SYNPR: variants seen among roughly 807,000 people sequenced by gnomAD.
SYNPR encodes the protein synaptoporin.
A neutral mutation model predicts 32.9 loss-of-function variants in SYNPR; 23 were observed. The ratio of observed to expected loss-of-function variants is 0.70; its 90% confidence interval spans 0.50 to 0.99. The LOEUF is 0.99. Ranked by LOEUF, SYNPR falls within the 50% of genes least tolerant of loss-of-function variation. The pLI, the probability that SYNPR is intolerant of heterozygous loss-of-function variation, is 0.00. For synonymous variants in SYNPR, 146 were observed against 135.9 expected (o/e 1.07, Z -0.52); for missense variants, 318 against 349.3 (o/e 0.91, Z 0.71).
chr3:63,332,986 G>A (rs1447023284), intron 2 of SYNPR, among the ~76,000 whole-genome samples: 1 of 152,046 alleles, frequency 6.6e-6, no homozygotes, highest in African/African-American at 2.4e-5. Flanking sequence ...CCACCAGTTG[G>A]ACAACCAAAA....
rs1307358114 is a variant in SYNPR, at chr3:63,606,729, C to A, written c.409-2396C>A. On this transcript the variant is annotated intron_variant, in intron 4 of 5. Transcript: ENST00000478300. Reference sequence around the variant, plus strand: ...TATAGTCAAAACCAACTTAAAAAAACTTTTTAGTGTCTTCATTTTAAATAG... The same window carrying A: ...TATAGTCAAAACCAACTTAAAAAAAATTTTTAGTGTCTTCATTTTAAATAG... Among the ~76,000 whole-genome samples the A allele has an allele frequency of 2.6e-5, 4 of 152,094 alleles. No homozygotes were observed. The East Asian group carries it at 7.7e-4, about 29-fold the overall frequency.
chr3:63,365,856 T>C (rs1433060353), intron 2 of SYNPR, among the ~76,000 whole-genome samples: 1 of 152,214 alleles, frequency 6.6e-6, no homozygotes, highest in East Asian at 1.9e-4. Flanking sequence ...CATGTTGACC[T>C]TGGAACCACT....
chr3:63,231,044 C>G (rs1034972802), intron 1 of SYNPR, among the ~76,000 whole-genome samples: 16 of 152,158 alleles, frequency 1.1e-4, no homozygotes, highest in African/African-American at 3.9e-4. Flanking sequence ...AAGACACATG[C>G]ACACATGTTT....
intron 2 of SYNPR, among the ~76,000 whole-genome samples, chr3:63,343,269 G>A (rs1443375816): frequency 6.6e-6 from 1 of 152,184 alleles, no homozygotes; most frequent in East Asian, 1.9e-4. Flanking sequence ...GCTTTTCATG[G>A]TTTTAAGCAG....
chr3:63,233,449 A>G (rs535893322), intron 1 of SYNPR, among the ~76,000 whole-genome samples: 5 of 152,256 alleles, frequency 3.3e-5, no homozygotes, highest in African/African-American at 9.6e-5. Context: ...CAGACCCTAC[A>G]TCTCCAGCCA....
At chr3:63,233,596 T>G (rs1190731710) in intron 1 of SYNPR, among the ~76,000 whole-genome samples, 1 of 152,224 alleles carries the variant, frequency 6.6e-6, no homozygotes, top group Non-Finnish European at 1.5e-5. Context: ...GCTCTTTTAC[T>G]CTGCATGGAA....
At chr3:63,612,929 T>A (rs1327521835) in intron 5 of SYNPR, among the ~76,000 whole-genome samples, 1 of 129,064 alleles carries the variant, frequency 7.7e-6, no homozygotes, top group Non-Finnish European at 1.6e-5. Flanking sequence ...TCTCTTCTCC[T>A]CTCTTCTCCT....
At chr3:63,423,091 C>T (rs560573565) in intron 2 of SYNPR, among the ~76,000 whole-genome samples, 2 of 152,176 alleles carry the variant, frequency 1.3e-5, no homozygotes, top group Admixed American at 6.5e-5. Context: ...TTGCTGCATG[C>T]TATTTATTGA....
chr3:63,308,064 C>A (rs2086924513), intron 2 of SYNPR, among the ~76,000 whole-genome samples: 1 of 151,996 alleles, frequency 6.6e-6, no homozygotes, highest in Admixed American at 6.6e-5. Flanking sequence ...AGAAGAGGGT[C>A]TGGGTATGAA....
chr3:63,596,964 G>A (rs550647276), intron 4 of SYNPR, among the ~76,000 whole-genome samples: 14 of 152,164 alleles, frequency 9.2e-5, no homozygotes, highest in Admixed American at 6.5e-4. Context: ...TACACATCAC[G>A]TTTCAAAGAC....
At chr3:63,524,083 TA>T (rs34737384) in intron 3 of SYNPR, among the ~76,000 whole-genome samples, 26 of 148,334 alleles carry the variant, frequency 1.8e-4, no homozygotes, top group South Asian at 2.1e-4. Flanking sequence ...CTCATTTCTG[TA>T]AAAAAAAAAA....
At chr3:63,303,754 T>G (rs1044721602) in intron 2 of SYNPR, among the ~76,000 whole-genome samples, 2 of 152,006 alleles carry the variant, frequency 1.3e-5, no homozygotes, top group Non-Finnish European at 2.9e-5. Flanking sequence ...CTATTCCCCC[T>G]TTTTAAAAAA....
intron 2 of SYNPR, among the ~76,000 whole-genome samples, chr3:63,343,425 G>A (rs1031587783): frequency 6.6e-6 from 1 of 152,230 alleles, no homozygotes; most frequent in African/African-American, 2.4e-5. Flanking sequence ...CTGTAAGAGG[G>A]TGGTGGTGTG....
chr3:63,219,553 C>T, the SYNPR span, among the ~76,000 whole-genome samples: 10 of 152,100 alleles, frequency 6.6e-5, no homozygotes, highest in Non-Finnish European at 1.3e-4. Context: ...GCTTTTGACT[C>T]CCCCAAAACT....
rs566584694 is a variant in SYNPR at position 63,588,657 on chromosome 3, A to C, written c.409-20468A>C. Among the ~76,000 whole-genome samples, 3 of 152,234 alleles carry C rather than the reference A, an allele frequency of 2.0e-5. No individual in the cohort carries two copies. The South Asian group carries it at 6.2e-4, about 32-fold the overall frequency. ...TTTTCCCAGTTATGTCAAAACCAAT[A>C]ATCAATTTTTTGGAAAGGATGCTAT... On this transcript the variant is annotated intron_variant, in intron 4 of 5. Transcript: ENST00000478300.
At chr3:63,209,590 T>C in the SYNPR span, among the ~76,000 whole-genome samples, 1 of 152,226 alleles carries the variant, frequency 6.6e-6, no homozygotes, top group African/African-American at 2.4e-5. Context: ...TGCCTTTCTT[T>C]GGTTTTACCA....
At chr3:63,436,454 T>C (rs759375095) in intron 2 of SYNPR, among the ~76,000 whole-genome samples, 3 of 151,612 alleles carry the variant, frequency 2.0e-5, no homozygotes, top group Non-Finnish European at 4.4e-5. Flanking sequence ...GTCCTTGCGA[T>C]AGTTTGCTAA....
chr3:63,318,630 C>T (rs1440210728), intron 2 of SYNPR, among the ~76,000 whole-genome samples: 2 of 152,044 alleles, frequency 1.3e-5, no homozygotes, highest in Middle Eastern at 6.8e-3. Flanking sequence ...TTTAAGCTAC[C>T]TATTTCCTTG....
In SYNPR at chr3:63,314,006, CATATATATATATCCAT is replaced by C. The variant is rs1560189114; in HGVS notation, c.84+35342_84+35357del. Among the ~76,000 whole-genome samples the C allele has an allele frequency of 3.2e-3, 4 of 1,254 alleles. 1 individual carries two copies. The highest frequency in any genetic ancestry group is 7.2e-3 in the African/African-American group (4 of 558). 0.8% of individuals were successfully genotyped at this position (1,254 alleles called of 152,430 possible). On this transcript the variant is annotated intron_variant, in intron 2 of 5. Coordinates refer to ENST00000478300, the MANE Select transcript of SYNPR (RefSeq NM_001130003.2). ...ATATATATCCATATATATATATATC[CATATATATATATCCAT>C]ATATATATATATCCATATATATATA...
Sources: gnomAD v4.1 joint callset for allele counts (sites outside exome capture counted in the v4.1 genomes callset) on GRCh38, gnomAD v4.1.1 for gene constraint, MANE v1.5 for transcripts, NCBI Gene and HGNC (gene_info 2026-07-23, HGNC 2026-07-21) for gene names.